Variants in PKHD1L1 observed in about 807,000 individuals in gnomAD.
PKHD1L1 encodes the protein PKHD1 like 1.
Under a neutral mutation model 462.9 loss-of-function variants are expected in PKHD1L1, and 434 were observed. That is an observed-to-expected ratio of 0.94 (90% confidence interval 0.87 to 1.02). The LOEUF is 1.02. Ranked by LOEUF, PKHD1L1 falls within the 50% of genes least tolerant of loss-of-function variation. The pLI is 0.00. For missense variants in PKHD1L1, 5,202 were observed against 5,096.1 expected, an observed-to-expected ratio of 1.02 and a Z score of -0.63; for synonymous variants, 1,781 against 1,750.0, an observed-to-expected ratio of 1.02 and a Z score of -0.44.
At chr8:109,416,512 A>C (rs1331357513) in intron 21 of PKHD1L1, among the ~76,000 whole-genome samples, 1 of 152,228 alleles carries the variant, frequency 6.6e-6, no homozygotes, top group African/African-American at 2.4e-5. Flanking sequence ...GAGATATATT[A>C]GTATTGAAAA....
At chr8:109,399,573 A>G (rs998526942) in intron 12 of PKHD1L1, among the ~76,000 whole-genome samples, 1 of 152,058 alleles carries the variant, frequency 6.6e-6, no homozygotes, top group African/African-American at 2.4e-5. Flanking sequence ...TGTTTTTTTT[A>G]AAAAGTAAAA....
intron 50 of PKHD1L1, chr8:109,471,229 G>T (rs370968380): frequency 2.5e-5 from 15 of 592,694 alleles, no homozygotes; most frequent in East Asian, 9.6e-5. Flanking sequence ...ATTTAGTAAG[G>T]GTTTTATGAG....
chr8:109,518,319 A>C lies in PKHD1L1; in HGVS notation c.11842A>C (p.Thr3948Pro). The C allele has an allele frequency of 6.2e-7, 1 of 1,613,396 alleles. No individual in the cohort carries two copies. Among genetic ancestry groups the C allele is most frequent in the Non-Finnish European group, 8.5e-7 (1 of 1,179,512 alleles). ...IFVSFQLSVATEDDFYTSHNL... is the reference protein window; with the variant it reads ...IFVSFQLSVAPEDDFYTSHNL... Reference sequence around the variant, plus strand: ...TGTTTCTTTCCAATTATCTGTTGCAACAGAAGATGACTTTTATACCTCTCA... The same window carrying C: ...TGTTTCTTTCCAATTATCTGTTGCACCAGAAGATGACTTTTATACCTCTCA... Residue 3948 changes from threonine to proline, a missense_variant, in exon 73 of 78, where the codon ACA becomes CCA. Coordinates refer to ENST00000378402, the MANE Select transcript of PKHD1L1 (RefSeq NM_177531.6).
intron 68 of PKHD1L1, among the ~76,000 whole-genome samples, chr8:109,505,911 A>T (rs1819665531): frequency 6.6e-6 from 1 of 152,060 alleles, no homozygotes; most frequent in East Asian, 1.9e-4. Context: ...TCTCAGAAAA[A>T]AAGTAGGCAC....
intron 1 of PKHD1L1, among the ~76,000 whole-genome samples, chr8:109,363,450 A>G (rs1333240394): frequency 6.6e-6 from 1 of 152,180 alleles, no homozygotes; most frequent in Non-Finnish European, 1.5e-5. Context: ...CCTTTTTAAG[A>G]CAGAACTGAA....
rs555547916 is a variant in PKHD1L1, at chr8:109,369,462, C to T, written c.163+4826C>T. ...TTTCCCATAGATTTTACTTCTAGGA[C>T]TTTTTCACATATGCTATATATATTT... On this transcript the variant is annotated intron_variant, in intron 2 of 77. Transcript: ENST00000378402. Among the ~76,000 whole-genome samples, 16 of 152,102 alleles carry T rather than the reference C, an allele frequency of 1.1e-4. No homozygotes were observed. In the South Asian group the frequency reaches 1.5e-3, roughly 14 times the overall value.
At chr8:109,365,473 C>T (rs1811183019) in intron 2 of PKHD1L1, among the ~76,000 whole-genome samples, 2 of 151,954 alleles carry the variant, frequency 1.3e-5, no homozygotes, top group Non-Finnish European at 2.9e-5. Flanking sequence ...GTTTATACTT[C>T]TACATTATAA....
chr8:109,443,572 A>G (rs1201470777), intron 36 of PKHD1L1, 104 bp from the exon 37 acceptor site: 5 of 944,364 alleles, frequency 5.3e-6, no homozygotes, highest in Non-Finnish European at 6.3e-6. Context: ...AAGATTTACC[A>G]GAATTTAAAC....
chr8:109,500,605 C>T (rs1369221325), intron 67 of PKHD1L1, among the ~76,000 whole-genome samples: 1 of 120,826 alleles, frequency 8.3e-6, no homozygotes, highest in South Asian at 2.9e-4. Flanking sequence ...AACTGGGAGG[C>T]GGAGGTTGCA....
intron 21 of PKHD1L1, among the ~76,000 whole-genome samples, chr8:109,413,857 G>A (rs927018137): frequency 3.9e-5 from 6 of 152,006 alleles, no homozygotes; most frequent in African/African-American, 1.4e-4. Flanking sequence ...ATCTAATAAT[G>A]TTCCTAGTTA....
At chr8:109,420,335 GC>G (rs1318257869) in intron 22 of PKHD1L1, among the ~76,000 whole-genome samples, 182 bp from the exon 23 acceptor site, 1 of 152,114 alleles carries the variant, frequency 6.6e-6, no homozygotes, top group Non-Finnish European at 1.5e-5. Flanking sequence ...TAAACTACTT[GC>G]CTTCAGGTCT....
At position 109,483,075 on chromosome 8, in the gene PKHD1L1, C is replaced by A; in HGVS notation, c.9546C>A (p.Val3182=). ...AAACTGCATTTGCAGGTTCCAAAGTCCTGTCTCTGATGGATGCTGTGGATT... is the reference window on the plus strand; with the variant it reads ...AAACTGCATTTGCAGGTTCCAAAGTACTGTCTCTGATGGATGCTGTGGATT... ...LSETAFAGSK[V]LSLMDAVDWQ... Residue 3182 remains valine, a synonymous_variant, in exon 57 of 78, where the codon GTC becomes GTA. Coordinates refer to ENST00000378402, the MANE Select transcript of PKHD1L1 (RefSeq NM_177531.6). The A allele has an allele frequency of 6.2e-7, 1 of 1,600,326 alleles. No homozygotes were observed. The highest frequency in any genetic ancestry group is 8.5e-7 in the Non-Finnish European group (1 of 1,173,312).
At chr8:109,385,677 A>T in intron 6 of PKHD1L1, 47 bp downstream of exon 6, 1 of 1,232,810 alleles carries the variant, frequency 8.1e-7, no homozygotes, top group Non-Finnish European at 1.2e-6. Flanking sequence ...ATAAATGAGA[A>T]GTAATATTAT....
At chr8:109,364,464 C>T in intron 1 of PKHD1L1, 83 bp from the exon 2 acceptor site, 4 of 904,186 alleles carry the variant, frequency 4.4e-6, no homozygotes, top group Non-Finnish European at 6.9e-6. Flanking sequence ...TCCTTGCAAC[C>T]TTGTGGTATG....
At chr8:109,480,842 G>A (rs147793325) in intron 55 of PKHD1L1, among the ~76,000 whole-genome samples, 1 of 151,878 alleles carries the variant, frequency 6.6e-6, no homozygotes, top group African/African-American at 2.4e-5. Context: ...TGGCTTTAAG[G>A]TAAATTAAAA....
At position 109,477,271 on chromosome 8, in the gene PKHD1L1, C is replaced by A; in HGVS notation, c.8964C>A (p.Asn2988Lys). ...ATCAGAGTCAGCTCATTTCTGGGAACCTGGATCCTGATGTGAAAGACGTTG... is the reference window on the plus strand; with the variant it reads ...ATCAGAGTCAGCTCATTTCTGGGAAACTGGATCCTGATGTGAAAGACGTTG... Reference protein sequence around the residue: ...DLHQSQLISGNLDPDVKDVVI... With the variant: ...DLHQSQLISGKLDPDVKDVVI... Residue 2988 changes from asparagine (N) to lysine (K), a missense_variant, in exon 53 of 78, where the codon AAC becomes AAA. Transcript: ENST00000378402. 1 of 1,613,458 alleles carries A rather than the reference C, an allele frequency of 6.2e-7. No homozygotes were observed. Among genetic ancestry groups the A allele is most frequent in the Non-Finnish European group, 8.5e-7 (1 of 1,179,606 alleles).
rs761797810 is a variant in PKHD1L1 at position 109,479,649 on chromosome 8, T to A, written c.9178+10T>A. ...GTGATTATACCTGAAGGTAAATGCG[T>A]AAACACAAATGAATGAAATGTTTGT... On this transcript the variant is annotated intron_variant, in intron 54 of 77. Coordinates refer to ENST00000378402, the MANE Select transcript of PKHD1L1 (RefSeq NM_177531.6). 2 of 1,410,996 alleles carry A rather than the reference T, an allele frequency of 1.4e-6. No individual in the cohort carries two copies. Among genetic ancestry groups the A allele is most frequent in the African/African-American group, 1.4e-5 (1 of 70,238 alleles). 87.4% of individuals were successfully genotyped at this position (1,410,996 alleles called of 1,614,324 possible).
At chr8:109,503,335 G>A (rs868793751) in intron 67 of PKHD1L1, among the ~76,000 whole-genome samples, 8 of 151,310 alleles carry the variant, frequency 5.3e-5, no homozygotes, top group East Asian at 1.9e-4. Context: ...ACAGAAGACC[G>A]CAGCTATGGG....
In PKHD1L1 at chr8:109,531,314, T is replaced by A. The variant is rs1821035628; in HGVS notation, c.*1224T>A. ...TCACTTGAGCAGTATCTGTTGGGTG[T>A]TCTAGTAAGTAGGAAGGCTACAAGA... is the stretch of plus-strand genomic sequence containing the variant. On this transcript the variant is annotated 3_prime_UTR_variant, in exon 78 of 78. Transcript: ENST00000378402. 6.6e-6 allele frequency among the ~76,000 whole-genome samples: 1 copy of A among 152,200 alleles called. No homozygotes were observed.
Sources: allele counts gnomAD v4.1 joint callset (sites outside exome capture counted in the v4.1 genomes callset), GRCh38; gene constraint gnomAD v4.1.1; transcripts MANE v1.5; gene names NCBI Gene and HGNC (gene_info 2026-07-23, HGNC 2026-07-21).